CEP112: variants seen among roughly 807,000 people sequenced by gnomAD.
CEP112 encodes centrosomal protein 112.
In CEP112, 127 loss-of-function variants were observed where a neutral mutation model predicts 153.0. The ratio of observed to expected loss-of-function variants is 0.83; its 90% CI spans 0.72 to 0.96. CEP112 has a LOEUF of 0.96. CEP112 is among the 40% of genes least tolerant of loss of function. The pLI is 0.00. For synonymous variants in CEP112, 358 were observed against 374.4 expected (o/e 0.96, Z 0.51); for missense variants, 1,089 against 1,101.2 (o/e 0.99, Z 0.16).
chr17:65,653,217 G>A (rs959958641), intron 24 of CEP112, among the ~76,000 whole-genome samples: 2 of 152,180 alleles, frequency 1.3e-5, no homozygotes, highest in African/African-American at 2.4e-5. Context: ...TCAGATCCTT[G>A]TCAATAACTC....
intron 17 of CEP112, among the ~76,000 whole-genome samples, chr17:65,973,389 T>C (rs1336591261): frequency 1.3e-5 from 2 of 152,186 alleles, no homozygotes; most frequent in African/African-American, 4.8e-5. Flanking sequence ...GAATATATCA[T>C]GAAATCTCAA....
chr17:65,647,488 T>C (rs1185545298), intron 24 of CEP112, among the ~76,000 whole-genome samples: 1 of 150,324 alleles, frequency 6.7e-6, no homozygotes, highest in Non-Finnish European at 1.5e-5. Flanking sequence ...TTTTTTTTTT[T>C]TTCAAGAGAC....
At chr17:66,062,794 G>A (rs1296444602) in intron 11 of CEP112, among the ~76,000 whole-genome samples, 169 bp downstream of exon 11, 1 of 152,070 alleles carries the variant, frequency 6.6e-6, no homozygotes, top group Admixed American at 6.5e-5. Flanking sequence ...TAGACTTCCA[G>A]AAGAAAATAT....
At chr17:65,797,050 G>C (rs1032830659) in intron 21 of CEP112, 1 of 125,132 alleles carries the variant, frequency 8.0e-6, no homozygotes, top group Non-Finnish European at 1.6e-5. Context: ...GTAAGACTCT[G>C]TCTCAAAAAC....
intron 6 of CEP112, among the ~76,000 whole-genome samples, chr17:66,116,114 G>C (rs916876854): frequency 1.3e-5 from 2 of 152,170 alleles, no homozygotes; most frequent in African/African-American, 4.8e-5. Flanking sequence ...GACAAGGGAA[G>C]GGTAAGTAAT....
At chr17:66,083,574 C>T (rs184343771) in intron 8 of CEP112, among the ~76,000 whole-genome samples, 22 of 152,252 alleles carry the variant, frequency 1.4e-4, no homozygotes, top group African/African-American at 4.6e-4. Flanking sequence ...TGAGGTCAGG[C>T]GCGGTGGCTC....
intron 17 of CEP112, among the ~76,000 whole-genome samples, chr17:65,970,618 G>A (rs114124282): frequency 0.066 from 9,987 of 151,728 alleles, 469 homozygotes; most frequent in African/African-American, 0.12. Context: ...GCAGGCATAT[G>A]GAATGGAAGC....
At chr17:65,649,907 G>T (rs1163396774) in intron 24 of CEP112, among the ~76,000 whole-genome samples, 1 of 152,056 alleles carries the variant, frequency 6.6e-6, no homozygotes, top group African/African-American at 2.4e-5. Context: ...TCTTGCACCT[G>T]GATGACTGCA....
intron 21 of CEP112, among the ~76,000 whole-genome samples, chr17:65,832,430 A>C (rs540480595): frequency 1.5e-3 from 226 of 152,062 alleles, no homozygotes; most frequent in African/African-American, 5.2e-3. Context: ...AAAAAAAAAA[A>C]AACTAAAAAG....
intron 13 of CEP112, 86 bp downstream of exon 13, chr17:66,029,783 G>T: frequency 2.7e-6 from 3 of 1,104,614 alleles, no homozygotes; most frequent in Non-Finnish European, 3.9e-6. Flanking sequence ...AACGCACAAG[G>T]TGTAATTAAT....
At chr17:66,138,832 T>C (rs996518390) in intron 4 of CEP112, among the ~76,000 whole-genome samples, 1 of 152,144 alleles carries the variant, frequency 6.6e-6, no homozygotes, top group Non-Finnish European at 1.5e-5. Flanking sequence ...AAATGACTTA[T>C]TAAGTCCACA....
chr17:65,690,539 G>GAA (rs969598047), intron 23 of CEP112, among the ~76,000 whole-genome samples: 1 of 151,802 alleles, frequency 6.6e-6, no homozygotes, highest in African/African-American at 2.4e-5. Context: ...GAGTGCAGAA[G>GAA]AAAAATAAAG....
intron 21 of CEP112, among the ~76,000 whole-genome samples, chr17:65,773,637 C>T (rs2053511769): frequency 6.6e-6 from 1 of 151,894 alleles, no homozygotes; most frequent in African/African-American, 2.4e-5. Flanking sequence ...TGACTATCTC[C>T]TGTAATCTAT....
intron 6 of CEP112, among the ~76,000 whole-genome samples, chr17:66,122,048 C>T (rs1232296253): frequency 6.6e-6 from 1 of 152,100 alleles, no homozygotes; most frequent in Non-Finnish European, 1.5e-5. Flanking sequence ...GTGTGCACCA[C>T]CATGCCCAAA....
intron 23 of CEP112, among the ~76,000 whole-genome samples, chr17:65,715,270 AG>A (rs1230359060): frequency 6.6e-6 from 1 of 152,156 alleles, no homozygotes; most frequent in East Asian, 1.9e-4. Flanking sequence ...AAGAGAAGCC[AG>A]GGTCAGGTGC....
chr17:65,825,159 A>G (rs2056779262), intron 21 of CEP112, among the ~76,000 whole-genome samples: 2 of 152,230 alleles, frequency 1.3e-5, no homozygotes, highest in South Asian at 4.1e-4. Context: ...TGAACAAAAC[A>G]GGAAATTCTG....
chr17:66,033,506 A>T (rs1402546027), intron 12 of CEP112, among the ~76,000 whole-genome samples: 1 of 152,114 alleles, frequency 6.6e-6, no homozygotes, highest in African/African-American at 2.4e-5. Flanking sequence ...CTCCAGCCAT[A>T]CAGGCCTCCA....
chr17:65,970,293 A>G (rs1293776429), intron 17 of CEP112, among the ~76,000 whole-genome samples: 2 of 139,316 alleles, frequency 1.4e-5, no homozygotes, highest in South Asian at 2.8e-4. Context: ...CATGGATGTC[A>G]TACTGCATGT....
At chr17:65,705,796 G>C (rs946951774) in intron 23 of CEP112, among the ~76,000 whole-genome samples, 2 of 152,204 alleles carry the variant, frequency 1.3e-5, no homozygotes, top group Non-Finnish European at 2.9e-5. Context: ...CAAATCAACT[G>C]TAAAATGGCA....
Sources: allele counts gnomAD v4.1 joint callset (sites outside exome capture counted in the v4.1 genomes callset), GRCh38; gene constraint gnomAD v4.1.1; transcripts MANE v1.5; gene names NCBI Gene and HGNC (gene_info 2026-07-23, HGNC 2026-07-21).